Variants in LRMDA observed in about 807,000 individuals in gnomAD.
The protein encoded by LRMDA is leucine-rich melanocyte differentiation-associated protein.
Under a neutral mutation model 29.8 loss-of-function variants are expected in LRMDA, and 18 were observed. The ratio of observed to expected loss-of-function variants is 0.60; its 90% CI spans 0.42 to 0.90. The LOEUF is 0.90. LRMDA is among the 40% of genes least tolerant of loss of function. The pLI, the probability that LRMDA is intolerant of heterozygous loss-of-function variation, is 0.00. For synonymous variants in LRMDA, 125 were observed against 109.4 expected (o/e 1.14, Z -0.89); for missense variants, 273 against 273.9 (o/e 1.00, Z 0.02).
chr10:76,391,134 A>G (rs1011301710), intron 6 of LRMDA, among the ~76,000 whole-genome samples: 1 of 152,210 alleles, frequency 6.6e-6, no homozygotes, highest in African/African-American at 2.4e-5. Context: ...AGCTGTGCCT[A>G]AAATGCATGT....
intron 5 of LRMDA, among the ~76,000 whole-genome samples, chr10:76,071,865 C>T (rs774064715): frequency 1.2e-4 from 19 of 152,286 alleles, no homozygotes; most frequent in Middle Eastern, 6.8e-3. Flanking sequence ...ATTTAAACTG[C>T]TACTTTTCTT....
chr10:75,727,561 C>T (rs189530355), intron 2 of LRMDA, among the ~76,000 whole-genome samples: 2 of 152,228 alleles, frequency 1.3e-5, no homozygotes, highest in East Asian at 3.9e-4. Context: ...GTATTATATA[C>T]CTACACTGTG....
chr10:76,421,641 T>G (rs1038248102), intron 6 of LRMDA, among the ~76,000 whole-genome samples: 1 of 152,198 alleles, frequency 6.6e-6, no homozygotes, highest in Middle Eastern at 3.2e-3. Context: ...GTTTCGGCCT[T>G]GAATTTTTAT....
At chr10:75,540,816 A>T (rs1009006406) in intron 2 of LRMDA, among the ~76,000 whole-genome samples, 1 of 152,162 alleles carries the variant, frequency 6.6e-6, no homozygotes, top group African/African-American at 2.4e-5. Context: ...GCATCCAGTA[A>T]ATATGTAATG....
chr10:76,176,062 A>C (rs555123039), intron 5 of LRMDA, among the ~76,000 whole-genome samples: 1 of 152,174 alleles, frequency 6.6e-6, no homozygotes, highest in African/African-American at 2.4e-5. Context: ...TTCTTTCAGC[A>C]CCTCCTATTT....
At chr10:75,788,186 C>T (rs555887022) in intron 2 of LRMDA, among the ~76,000 whole-genome samples, 7 of 152,260 alleles carry the variant, frequency 4.6e-5, no homozygotes, top group Admixed American at 2.6e-4. Context: ...GGCAACAGAG[C>T]GAGACTCTGT....
chr10:76,232,445 C>T (rs1258168225), intron 5 of LRMDA, among the ~76,000 whole-genome samples: 5 of 151,996 alleles, frequency 3.3e-5, no homozygotes, highest in African/African-American at 7.3e-5. Flanking sequence ...GTTTTTATAC[C>T]CTCTTCATAG....
intron 6 of LRMDA, among the ~76,000 whole-genome samples, chr10:76,393,565 C>T (rs1048286913): frequency 6.6e-6 from 1 of 152,008 alleles, no homozygotes; most frequent in African/African-American, 2.4e-5. Context: ...ATATTAACCC[C>T]TTATCAGATG....
chr10:75,771,145 A>G (rs1221910656), intron 2 of LRMDA, among the ~76,000 whole-genome samples: 4 of 152,128 alleles, frequency 2.6e-5, no homozygotes. Flanking sequence ...TCACTGATTC[A>G]GTCTCAAATG....
chr10:75,818,161 G>A (rs1844092976), intron 2 of LRMDA, among the ~76,000 whole-genome samples: 1 of 152,158 alleles, frequency 6.6e-6, no homozygotes, highest in Non-Finnish European at 1.5e-5. Context: ...CATTGGCCAT[G>A]GTTAGTCACA....
chr10:75,630,141 TTC>T (rs1841304361), intron 2 of LRMDA, among the ~76,000 whole-genome samples: 3 of 152,248 alleles, frequency 2.0e-5, no homozygotes, highest in Non-Finnish European at 4.4e-5. Flanking sequence ...GGGTGATCCC[TTC>T]TCGTGGAGTT....
intron 6 of LRMDA, among the ~76,000 whole-genome samples, chr10:76,460,173 C>T (rs953350914): frequency 6.6e-5 from 10 of 152,186 alleles, no homozygotes; most frequent in African/African-American, 2.4e-4. Flanking sequence ...TGAGACTTCG[C>T]TGCACAGTAG....
chr10:75,764,131 C>T (rs757665428), intron 2 of LRMDA, among the ~76,000 whole-genome samples: 1 of 152,276 alleles, frequency 6.6e-6, no homozygotes, highest in African/African-American at 2.4e-5. Flanking sequence ...GTCTTAGCCT[C>T]TCCCTTTCTA....
chr10:75,486,457 G>A (rs774491063), intron 2 of LRMDA, among the ~76,000 whole-genome samples: 3 of 152,106 alleles, frequency 2.0e-5, no homozygotes, highest in Non-Finnish European at 4.4e-5. Flanking sequence ...TATAGAGGAC[G>A]TAAATTTCAC....
chr10:76,350,450 T>G (rs1841162035), intron 6 of LRMDA, among the ~76,000 whole-genome samples: 2 of 152,082 alleles, frequency 1.3e-5, no homozygotes, highest in African/African-American at 4.8e-5. Flanking sequence ...ATTTTTTTTT[T>G]TTTTGGTCTG....
At chr10:76,524,481 G>T (rs1010221038) in intron 6 of LRMDA, among the ~76,000 whole-genome samples, 1 of 152,162 alleles carries the variant, frequency 6.6e-6, no homozygotes, top group Non-Finnish European at 1.5e-5. Flanking sequence ...ACCCAGATCT[G>T]CCAGATATCC....
chr10:75,803,664 C>A (rs1016736959), intron 2 of LRMDA, among the ~76,000 whole-genome samples: 2 of 152,206 alleles, frequency 1.3e-5, no homozygotes, highest in Non-Finnish European at 2.9e-5. Flanking sequence ...ATGCAGAGTC[C>A]TTAGAGCAGT....
intron 6 of LRMDA, among the ~76,000 whole-genome samples, chr10:76,439,958 A>T (rs1254387502): frequency 6.6e-6 from 1 of 152,196 alleles, no homozygotes; most frequent in East Asian, 1.9e-4. Context: ...AGTCTTTAAA[A>T]ATCTTACCCA....
At chr10:76,116,874 C>G (rs112067287) in intron 5 of LRMDA, among the ~76,000 whole-genome samples, 2,024 of 152,200 alleles carry the variant, frequency 0.013, 48 homozygotes, top group African/African-American at 0.046. Flanking sequence ...AGAGTCATTC[C>G]CGGGCTCTAA....
Sources: gnomAD v4.1 joint callset for allele counts (sites outside exome capture counted in the v4.1 genomes callset) on GRCh38, gnomAD v4.1.1 for gene constraint, MANE v1.5 for transcripts, NCBI Gene and HGNC (gene_info 2026-07-23, HGNC 2026-07-21) for gene names.